PXDC1: variants seen among roughly 807,000 people sequenced by gnomAD.
The protein encoded by PXDC1 is PX domain containing 1, also known as PX domain-containing protein 1.
PXDC1 carries 13 observed loss-of-function variants against 24.4 expected under a neutral mutation model. The observed-to-expected ratio is 0.53, with a 90% CI of 0.35 to 0.85. PXDC1 has a LOEUF of 0.85. Ranked by LOEUF, PXDC1 falls within the 40% of genes least tolerant of loss-of-function variation. The probability of loss-of-function intolerance (pLI) is 0.01; values close to 1 mark genes in which losing one functional copy is unlikely to be tolerated. For synonymous variants in PXDC1, 162 were observed against 124.9 expected (o/e 1.30, Z -1.98); for missense variants, 344 against 309.3 (o/e 1.11, Z -0.84).
chr6:3,730,174 T>A (rs982652346), intron 3 of PXDC1, among the ~76,000 whole-genome samples: 2 of 152,246 alleles, frequency 1.3e-5, no homozygotes, highest in African/African-American at 4.8e-5. Context: ...ACTCTCACAT[T>A]TCACTAAAGA....
intron 1 of PXDC1, among the ~76,000 whole-genome samples, chr6:3,740,845 C>G (rs1213486206): frequency 6.6e-6 from 1 of 152,288 alleles, no homozygotes; most frequent in Non-Finnish European, 1.5e-5. Context: ...TCTACAGCCT[C>G]TTGCTCCTCT....
intron 4 of PXDC1, among the ~76,000 whole-genome samples, chr6:3,726,279 C>T (rs1451904195): frequency 1.3e-5 from 2 of 152,248 alleles, no homozygotes; most frequent in African/African-American, 4.8e-5. Context: ...GACTACACTC[C>T]AGCCTTGTAC....
At chr6:3,750,692 C>CG (rs1007726673) in intron 1 of PXDC1, among the ~76,000 whole-genome samples, 9 of 152,006 alleles carry the variant, frequency 5.9e-5, no homozygotes, top group African/African-American at 1.4e-4. Context: ...GGCGGGGGTG[C>CG]GGGGGGGCCC....
intron 1 of PXDC1, among the ~76,000 whole-genome samples, chr6:3,743,628 G>C (rs1478990718): frequency 6.6e-6 from 1 of 152,236 alleles, no homozygotes; most frequent in Non-Finnish European, 1.5e-5. Flanking sequence ...GTTAAGAACT[G>C]ACTAGCTGGT....
At chr6:3,751,000 G>T (rs1023195448) in intron 1 of PXDC1, 80 of 426,706 alleles carry the variant, frequency 1.9e-4, no homozygotes, top group Non-Finnish European at 2.9e-4. Flanking sequence ...TCGTCCTCAG[G>T]GAGAGTCCGG....
rs1561728175 is a variant in PXDC1 at position 3,722,944 on chromosome 6, C to T, written c.*675G>A. On this transcript the variant is annotated 3_prime_UTR_variant, in exon 5 of 5. Coordinates refer to ENST00000380283, the MANE Select transcript of PXDC1 (RefSeq NM_183373.4). ...CCTTTCCTTTGGGAAGAACCACCAACGCTCAGTCCAAGCTCACACGGTTAT... is the reference window on the plus strand; with the variant it reads ...CCTTTCCTTTGGGAAGAACCACCAATGCTCAGTCCAAGCTCACACGGTTAT... 3 of 152,330 alleles carry T rather than the reference C, an allele frequency of 2.0e-5. No homozygotes were observed. The highest frequency in any genetic ancestry group is 1.9e-4 in the East Asian group (1 of 5,190). 9.4% of individuals were successfully genotyped at this position (152,330 alleles called of 1,614,324 possible).
intron 1 of PXDC1, among the ~76,000 whole-genome samples, chr6:3,747,530 C>T (rs535613134): frequency 2.0e-4 from 31 of 152,306 alleles, no homozygotes; most frequent in Admixed American, 1.4e-3. Context: ...ACCCACCAGG[C>T]ACATGCCAGC....
chr6:3,747,366 T>C (rs1345393715), intron 1 of PXDC1, among the ~76,000 whole-genome samples: 1 of 152,160 alleles, frequency 6.6e-6, no homozygotes, highest in African/African-American at 2.4e-5. Flanking sequence ...TCCCCTGCTC[T>C]TTCCCAGCAC....
chr6:3,750,757 G>T (rs1561742068), intron 1 of PXDC1, among the ~76,000 whole-genome samples: 1 of 152,146 alleles, frequency 6.6e-6, no homozygotes, highest in Non-Finnish European at 1.5e-5. Context: ...GGACGGAAGG[G>T]CTGCGTGGCA....
At chr6:3,751,008 C>T (rs933513025) in intron 1 of PXDC1, 7 of 435,648 alleles carry the variant, frequency 1.6e-5, no homozygotes, top group African/African-American at 1.0e-4. Flanking sequence ...AGGGAGAGTC[C>T]GGCGCCCGCC....
At chr6:3,729,197 G>C (rs1760142305) in intron 3 of PXDC1, among the ~76,000 whole-genome samples, 1 of 152,016 alleles carries the variant, frequency 6.6e-6, no homozygotes, top group South Asian at 2.1e-4. Context: ...CCCGTGTATG[G>C]ATTTGCTTTC....
chr6:3,723,479 G>A lies in PXDC1; in HGVS notation c.*140C>T. 1.4e-6 allele frequency: 1 copy of A among 706,162 alleles called. No homozygotes were observed. The highest frequency in any genetic ancestry group is 2.5e-6 in the Non-Finnish European group (1 of 395,012). The allele number at this position is 706,162 out of a possible 1,614,324, so 43.7% of individuals were successfully genotyped here. A position where few individuals can be genotyped will look rare whatever the true frequency, so the allele number is the denominator to read the frequency against. On this transcript the variant is annotated 3_prime_UTR_variant, in exon 5 of 5. Coordinates refer to ENST00000380283, the MANE Select transcript of PXDC1 (RefSeq NM_183373.4). ...TGCTGCTCCACTTGCAGGACACCCAGGCCTCCTGGCGTCAGTGGGGCCTGG... is the reference window on the plus strand; with the variant it reads ...TGCTGCTCCACTTGCAGGACACCCAAGCCTCCTGGCGTCAGTGGGGCCTGG...
intron 1 of PXDC1, among the ~76,000 whole-genome samples, chr6:3,745,690 TC>T (rs1400357323): frequency 6.6e-6 from 1 of 151,986 alleles, no homozygotes; most frequent in Non-Finnish European, 1.5e-5. Flanking sequence ...AGCTGACCCC[TC>T]CTACCATGAC....
chr6:3,729,320 AAG>A (rs1396099360), intron 3 of PXDC1, among the ~76,000 whole-genome samples: 1 of 152,200 alleles, frequency 6.6e-6, no homozygotes, highest in Admixed American at 6.5e-5. Flanking sequence ...AAAATGAGGA[AAG>A]AGAAACAGAT....
At position 3,751,281 on chromosome 6, in the gene PXDC1, C is replaced by A; in HGVS notation, c.251G>T (p.Arg84Leu). 6.6e-7 allele frequency: 1 copy of A among 1,517,422 alleles called. No homozygotes were observed. The highest frequency in any genetic ancestry group is 1.2e-5 in the South Asian group (1 of 81,648). The allele number at this position is 1,517,422 out of a possible 1,614,324, so 94.0% of individuals were successfully genotyped here. ...DRSELAQGPL[R>L]QGLVAIKEAH... ...CCGCGTCCCCGGCCCCGCACCTTGC[C>A]GCAGCGGCCCCTGCGCCAGTTCGGA... Residue 84 changes from arginine to leucine, a missense_variant, in exon 1 of 5, where the codon CGG becomes CTG. Physicochemically the swap from Arg to Leu is moderately radical, Grantham distance 102. Coordinates refer to ENST00000380283, the MANE Select transcript of PXDC1 (RefSeq NM_183373.4).
chr6:3,726,615 G>A (rs564996607), intron 4 of PXDC1, among the ~76,000 whole-genome samples: 1 of 152,370 alleles, frequency 6.6e-6, no homozygotes, highest in South Asian at 2.1e-4. Flanking sequence ...TGGGGCCCAG[G>A]TTCACGCTGG....
Position 3,748,368 on chromosome 6 carries a change from G to A in PXDC1, c.256+2908C>T, listed in dbSNP as rs1273684451. On this transcript the variant is annotated intron_variant, in intron 1 of 4. Coordinates refer to ENST00000380283, the MANE Select transcript of PXDC1 (RefSeq NM_183373.4). ...AGGTCGGGTGGGAGAGTGAGAGTGC[G>A]AGGAAAGGGGAGAGAGGACAGAAGC... Among the ~76,000 whole-genome samples the A allele has an allele frequency of 2.6e-5, 4 of 152,248 alleles. No homozygotes were observed. In the East Asian group the frequency reaches 5.8e-4, roughly 22 times the overall value.
rs750985214 is a variant in PXDC1 at position 3,725,010 on chromosome 6, G to A, written c.579-1274C>T. Among the ~76,000 whole-genome samples, 2 of 152,140 alleles carry A rather than the reference G, an allele frequency of 1.3e-5. No individual in the cohort carries two copies. The highest frequency in any genetic ancestry group is 2.9e-5 in the Non-Finnish European group (2 of 68,026). On this transcript the variant is annotated intron_variant, in intron 4 of 4. Transcript: ENST00000380283. This position sits in a 1 kb window ranked among gnomAD's most constrained non-coding sequence, Gnocchi z 4.8. ...TCACGGTCCTGGCAACACGAGGCTGGGACAGAGGCCGCGGCACAAAGAGCC... is the reference window on the plus strand; with the variant it reads ...TCACGGTCCTGGCAACACGAGGCTGAGACAGAGGCCGCGGCACAAAGAGCC...
intron 3 of PXDC1, 96 bp from the exon 4 acceptor site, chr6:3,727,758 A>G (rs1760101191): frequency 2.5e-5 from 19 of 773,964 alleles, no homozygotes; most frequent in Non-Finnish European, 4.0e-5. Flanking sequence ...TTTCTCCTCC[A>G]CCTGTTGCCC....
Sources: gnomAD v4.1 joint callset for allele counts (sites outside exome capture counted in the v4.1 genomes callset) on GRCh38, gnomAD v4.1.1 for gene constraint, Gnocchi (gnomAD v3.1) non-coding constraint, MANE v1.5 for transcripts, NCBI Gene and HGNC (gene_info 2026-07-23, HGNC 2026-07-21) for gene names.